The following TMC2 variants were observed in gnomAD, a reference collection of about 807,000 sequenced individuals.
TMC2 encodes transmembrane channel like 2, also known as transmembrane channel-like protein 2.
TMC2 carries 102 observed loss-of-function variants against 105.9 expected under a neutral mutation model. The observed-to-expected ratio is 0.96, with a 90% CI of 0.82 to 1.14. The LOEUF (loss-of-function observed/expected upper bound fraction) is 1.14. Among genes scored for constraint, TMC2 ranks in the 50% most tolerant of loss-of-function variants. The probability of loss-of-function intolerance (pLI) is 0.00; values close to 1 mark genes in which losing one functional copy is unlikely to be tolerated. For missense variants in TMC2, 1,093 were observed against 1,134.3 expected (o/e 0.96, Z 0.52); for synonymous variants, 402 against 422.8 (o/e 0.95, Z 0.60).
chr20:2,626,359 CAGCTGGCACTGG>C (rs2086564275), intron 17 of TMC2, among the ~76,000 whole-genome samples: 1 of 152,232 alleles, frequency 6.6e-6, no homozygotes, highest in South Asian at 2.1e-4. Context: ...CATGACTGGC[CAGCTGGCACTGG>C]AGGCCTCACT....
intron 3 of TMC2, among the ~76,000 whole-genome samples, chr20:2,560,018 C>G (rs528489140): frequency 6.6e-6 from 1 of 152,256 alleles, no homozygotes; most frequent in African/African-American, 2.4e-5. Context: ...AACACATAGG[C>G]ATTGGTAATC....
intron 2 of TMC2, among the ~76,000 whole-genome samples, chr20:2,552,473 A>G (rs929756109): frequency 6.6e-6 from 1 of 152,234 alleles, no homozygotes; most frequent in African/African-American, 2.4e-5. Context: ...AGTCTTCTTC[A>G]TATAGCTCTT....
intron 17 of TMC2, among the ~76,000 whole-genome samples, chr20:2,629,311 G>A (rs6132847): frequency 0.75 from 114,605 of 151,942 alleles, 43,360 homozygotes; most frequent in East Asian, 0.87. Flanking sequence ...ATTTGGTGAT[G>A]AAATATATTT....
At chr20:2,566,083 C>T (rs1024305139) in intron 4 of TMC2, among the ~76,000 whole-genome samples, 1 of 152,120 alleles carries the variant, frequency 6.6e-6, no homozygotes, top group African/African-American at 2.4e-5. Flanking sequence ...TAAAAAGCAA[C>T]AGCAGTGAGT....
chr20:2,622,164 C>A (rs2086529961), intron 16 of TMC2, among the ~76,000 whole-genome samples: 1 of 152,160 alleles, frequency 6.6e-6, no homozygotes, highest in Non-Finnish European at 1.5e-5. Flanking sequence ...GAGATGGCCA[C>A]AAATGGTCTC....
At chr20:2,553,907 G>A (rs570521155) in intron 2 of TMC2, among the ~76,000 whole-genome samples, 14 of 152,024 alleles carry the variant, frequency 9.2e-5, no homozygotes, top group South Asian at 4.2e-4. Flanking sequence ...TTTTTGAGAC[G>A]GAGCTTTGCT....
At chr20:2,565,271 C>T (rs2122842840) in intron 4 of TMC2, among the ~76,000 whole-genome samples, 1 of 152,372 alleles carries the variant, frequency 6.6e-6, no homozygotes, top group South Asian at 2.1e-4. Flanking sequence ...TCCTCACAAT[C>T]ACCCTGTGAT....
intron 17 of TMC2, among the ~76,000 whole-genome samples, chr20:2,625,423 CTAGATT>C (rs1205491605): frequency 6.6e-6 from 1 of 152,224 alleles, no homozygotes; most frequent in Non-Finnish European, 1.5e-5. Context: ...ATTATACAGA[CTAGATT>C]TAATTATTTC....
At chr20:2,604,479 G>T (rs1486007928) in intron 11 of TMC2, among the ~76,000 whole-genome samples, 1 of 152,108 alleles carries the variant, frequency 6.6e-6, no homozygotes, top group East Asian at 1.9e-4. Context: ...AGTTTGCTAG[G>T]GCTGTGATAT....
intron 16 of TMC2, among the ~76,000 whole-genome samples, chr20:2,622,237 A>G (rs2086530463): frequency 6.6e-6 from 1 of 152,386 alleles, no homozygotes; most frequent in East Asian, 1.9e-4. Context: ...CTGTGTTCCA[A>G]TAATACTTTA....
intron 5 of TMC2, among the ~76,000 whole-genome samples, chr20:2,577,053 G>A (rs890856267): frequency 6.6e-6 from 1 of 151,792 alleles, no homozygotes; most frequent in Non-Finnish European, 1.5e-5. Context: ...GATTACAGGT[G>A]CCTGCCACCA....
chr20:2,562,411 A>G (rs2086033731), intron 4 of TMC2, among the ~76,000 whole-genome samples: 1 of 152,142 alleles, frequency 6.6e-6, no homozygotes, highest in African/African-American at 2.4e-5. Context: ...GTGTCTCTCC[A>G]TGTGTACACA....
intron 5 of TMC2, among the ~76,000 whole-genome samples, chr20:2,576,812 T>C (rs1441417178): frequency 6.6e-6 from 1 of 152,010 alleles, no homozygotes; most frequent in South Asian, 2.1e-4. Flanking sequence ...GAAACCAAAG[T>C]ACTCAAGGCA....
chr20:2,622,763 G>A (rs1304870733), intron 16 of TMC2, among the ~76,000 whole-genome samples: 1 of 152,082 alleles, frequency 6.6e-6, no homozygotes, highest in Non-Finnish European at 1.5e-5. Context: ...CATTGTCGGT[G>A]AACTCCTCAT....
intron 9 of TMC2, among the ~76,000 whole-genome samples, chr20:2,595,483 A>T (rs2086299142): frequency 6.6e-6 from 1 of 152,058 alleles, no homozygotes; most frequent in Non-Finnish European, 1.5e-5. Context: ...ACTTATACTA[A>T]ATAAATATAT....
rs1401863411 is a variant in TMC2, at chr20:2,558,522, G to A, written c.149G>A (p.Arg50His). Reference sequence around the variant, plus strand: ...AAAGCCGAGGGGACCCCAGGCAGGCGCGGAGCTCAGCGAAGCCAGAAGGAG... The same window carrying A: ...AAAGCCGAGGGGACCCCAGGCAGGCACGGAGCTCAGCGAAGCCAGAAGGAG... ...ALKAEGTPGR[R>H]GAQRSQKERA... The change falls in exon 3 of 20, where the codon CGC becomes CAC. Residue 50 changes from arginine (R) to histidine (H), a missense_variant. Arg to His is a conservative substitution (Grantham distance 29, BLOSUM62 0). Coordinates refer to ENST00000358864, the MANE Select transcript of TMC2 (RefSeq NM_080751.3). This position sits in a 1 kb window ranked among gnomAD's most constrained non-coding sequence, Gnocchi z 4.6. 2 of 1,555,392 alleles carry A rather than the reference G, an allele frequency of 1.3e-6. No homozygotes were observed. Among genetic ancestry groups the A allele is most frequent in the South Asian group, 2.4e-5 (2 of 84,260 alleles).
intron 5 of TMC2, among the ~76,000 whole-genome samples, chr20:2,576,796 G>A (rs536843820): frequency 1.5e-4 from 23 of 152,212 alleles, no homozygotes; most frequent in African/African-American, 5.3e-4. Context: ...GAAAGTCACT[G>A]CCATAGAAAC....
intron 11 of TMC2, among the ~76,000 whole-genome samples, chr20:2,605,305 CAA>C (rs1410102495): frequency 6.6e-6 from 1 of 152,148 alleles, no homozygotes; most frequent in Non-Finnish European, 1.5e-5. Context: ...GCTGCCACAA[CAA>C]AGTACCACAG....
rs2086701687 is a variant in TMC2 at position 2,643,464 on chromosome 20, C to T, written c.*2113C>T. Among the ~76,000 whole-genome samples, 2 of 152,230 alleles carry T rather than the reference C, an allele frequency of 1.3e-5. No individual in the cohort carries two copies. On this transcript the variant is annotated 3_prime_UTR_variant, in exon 20 of 20. Transcript: ENST00000358864. ...CCCACCACAAACACAAACCAACCAT[C>T]CTGATCTGATGAAGTGTAATTTTAT...
Sources: allele counts gnomAD v4.1 joint callset (sites outside exome capture counted in the v4.1 genomes callset), GRCh38; gene constraint gnomAD v4.1.1; non-coding constraint Gnocchi (gnomAD v3.1); transcripts MANE v1.5; gene names NCBI Gene and HGNC (gene_info 2026-07-23, HGNC 2026-07-21).